CFAP43: variants seen among roughly 807,000 people sequenced by gnomAD.
The protein encoded by CFAP43 is cilia and flagella associated protein 43, also known as cilia- and flagella-associated protein 43.
Under a neutral mutation model 218.9 loss-of-function variants are expected in CFAP43, and 155 were observed. The observed-to-expected ratio is 0.71, with a 90% CI of 0.62 to 0.81. The LOEUF (loss-of-function observed/expected upper bound fraction) is 0.81. Ranked by LOEUF, CFAP43 falls within the 30% of genes least tolerant of loss-of-function variation. CFAP43 has a pLI of 0.00. For missense variants in CFAP43, 1,778 were observed against 1,954.3 expected (o/e 0.91, Z 1.70); for synonymous variants, 645 against 681.3 (o/e 0.95, Z 0.83).
At chr10:104,203,381 G>T (rs2090588771) in intron 8 of CFAP43, 2 of 372,528 alleles carry the variant, frequency 5.4e-6, no homozygotes, top group East Asian at 7.9e-5. Context: ...TGGAAATGGA[G>T]GCAGCAGAGA....
At position 104,167,689 on chromosome 10, in the gene CFAP43, T is replaced by C. The variant is rs767349991; in HGVS notation, c.2740A>G (p.Thr914Ala). 2 of 1,612,040 alleles carry C rather than the reference T, an allele frequency of 1.2e-6. No homozygotes were observed. Among genetic ancestry groups the C allele is most frequent in the South Asian group, 1.1e-5 (1 of 90,432 alleles). The stretch of plus-strand genomic sequence containing the variant: ...TCCAATTCTTTCAGCTCTTCAACCG[T>C]GCGCGCTTTCATCGGGAAGTTTTCA... ...VVENFPMKAR[T>A]VEELKELERV... is the part of the protein sequence containing the mutation. The change falls in exon 22 of 38, where the codon ACG becomes GCG. Residue 914 changes from threonine to alanine, a missense_variant. Transcript: ENST00000357060.
At chr10:104,137,060 T>C (rs920145427) in intron 34 of CFAP43, among the ~76,000 whole-genome samples, 12 of 152,242 alleles carry the variant, frequency 7.9e-5, no homozygotes, top group Admixed American at 5.9e-4. Flanking sequence ...TGGAAAACAG[T>C]TTTTAGTGCC....
At chr10:104,158,053 A>T (rs952503988) in intron 27 of CFAP43, among the ~76,000 whole-genome samples, 3 of 152,186 alleles carry the variant, frequency 2.0e-5, no homozygotes, top group Non-Finnish European at 4.4e-5. Flanking sequence ...AATAATAATG[A>T]TAGTCATGGA....
At chr10:104,224,494 C>T (rs2091261248) in intron 3 of CFAP43, among the ~76,000 whole-genome samples, 1 of 151,882 alleles carries the variant, frequency 6.6e-6, no homozygotes, top group Admixed American at 6.6e-5. Flanking sequence ...GTGGCTCATG[C>T]CTGTAATCCC....
intron 34 of CFAP43, among the ~76,000 whole-genome samples, 154 bp downstream of exon 34, chr10:104,140,688 C>T (rs1443323563): frequency 1.3e-5 from 2 of 152,122 alleles, no homozygotes; most frequent in East Asian, 3.8e-4. Flanking sequence ...TGGTGTGAAC[C>T]TGTACTCCCA....
At chr10:104,194,767 A>G (rs1479299172) in intron 10 of CFAP43, among the ~76,000 whole-genome samples, 2 of 152,238 alleles carry the variant, frequency 1.3e-5, no homozygotes, top group Admixed American at 1.3e-4. Flanking sequence ...TTTTGAATAA[A>G]ATCATGGAAC....
chr10:104,210,555 A>T (rs1327700005), intron 5 of CFAP43, among the ~76,000 whole-genome samples: 1 of 152,012 alleles, frequency 6.6e-6, no homozygotes, highest in Non-Finnish European at 1.5e-5. Context: ...AGGGTAAAGC[A>T]TAGCAGGTTC....
At chr10:104,161,774 G>C (rs536396326) in intron 26 of CFAP43, among the ~76,000 whole-genome samples, 187 bp downstream of exon 26, 29 of 152,212 alleles carry the variant, frequency 1.9e-4, no homozygotes, top group Non-Finnish European at 3.8e-4. Flanking sequence ...CTCAAGTGCT[G>C]GGATTACAAG....
intron 35 of CFAP43, chr10:104,132,832 C>A (rs941350759): frequency 5.1e-6 from 5 of 971,370 alleles, no homozygotes; most frequent in Non-Finnish European, 6.1e-6. Context: ...GTTAAAGACA[C>A]TGAGGGAGAT....
At position 104,170,626 on chromosome 10, in the gene CFAP43, T is replaced by A. The variant is rs181005240; in HGVS notation, c.2587-1778A>T. ...CTTCCTGGCTCTGATCTTAGCCAAG[T>A]GACTCTAATTCTCTAAGCCTCTATC... On this transcript the variant is annotated intron_variant, in intron 20 of 37. Transcript: ENST00000357060. Among the ~76,000 whole-genome samples, 7 of 152,200 alleles carry A rather than the reference T, an allele frequency of 4.6e-5. No individual in the cohort carries two copies. In the East Asian group the frequency reaches 5.8e-4, roughly 13 times the overall value.
At chr10:104,150,508 T>TA (rs1442254563) in intron 28 of CFAP43, among the ~76,000 whole-genome samples, 8 of 152,180 alleles carry the variant, frequency 5.3e-5, no homozygotes, top group African/African-American at 1.2e-4. Flanking sequence ...CATACCTCTG[T>TA]AAAAAGTCAC....
rs964656322 is a variant in CFAP43 at position 104,162,057 on chromosome 10, A to C, written c.3334-16T>G. 1 of 1,610,516 alleles carries C rather than the reference A, an allele frequency of 6.2e-7. No homozygotes were observed. Among genetic ancestry groups the C allele is most frequent in the African/African-American group, 1.3e-5 (1 of 74,700 alleles). ...TACTGGCATCCTGGGAAAGAGCCAG[A>C]ATCAGAGAGGAATACTGAGACAGAG... On this transcript the variant is annotated splice_polypyrimidine_tract_variant and intron_variant, in intron 25 of 37. Coordinates refer to ENST00000357060, the MANE Select transcript of CFAP43 (RefSeq NM_025145.7).
intron 17 of CFAP43, among the ~76,000 whole-genome samples, chr10:104,180,324 A>G (rs556904300): frequency 6.6e-6 from 1 of 152,234 alleles, no homozygotes; most frequent in South Asian, 2.1e-4. Flanking sequence ...CTTCTGTATC[A>G]TCAATTTCTC....
chr10:104,143,962 C>G (rs142859946), intron 31 of CFAP43, among the ~76,000 whole-genome samples: 261 of 152,320 alleles, frequency 1.7e-3, no homozygotes, highest in Middle Eastern at 3.4e-3. Context: ...CGTTTCACCT[C>G]AGCCTCCCAA....
At chr10:104,219,731 G>A (rs1416281588) in intron 3 of CFAP43, among the ~76,000 whole-genome samples, 1 of 152,176 alleles carries the variant, frequency 6.6e-6, no homozygotes, top group Admixed American at 6.5e-5. Flanking sequence ...CTGCTCATAA[G>A]CTCACCTCTG....
At chr10:104,183,392 T>C (rs1189135413) in intron 16 of CFAP43, among the ~76,000 whole-genome samples, 1 of 151,574 alleles carries the variant, frequency 6.6e-6, no homozygotes, top group Non-Finnish European at 1.5e-5. Context: ...CGTTTTTTTT[T>C]TTTTTTTTGA....
At chr10:104,160,093 T>C (rs1298366241) in intron 27 of CFAP43, among the ~76,000 whole-genome samples, 1 of 152,104 alleles carries the variant, frequency 6.6e-6, no homozygotes, top group East Asian at 1.9e-4. Context: ...TAATCAAGGC[T>C]GGGGTTTCAG....
chr10:104,214,554 T>C, intron 3 of CFAP43, 128 bp from the exon 4 acceptor site: 1 of 807,202 alleles, frequency 1.2e-6, no homozygotes, highest in Non-Finnish European at 1.8e-6. Context: ...ATCAATGACC[T>C]TAATGTCAAA....
chr10:104,218,983 T>A (rs2091102886), intron 3 of CFAP43: 1 of 392,586 alleles, frequency 2.5e-6, no homozygotes, highest in Admixed American at 4.0e-5. Flanking sequence ...GAAACACATG[T>A]TGGTGATTTG....
Sources: gnomAD v4.1 joint callset for allele counts (sites outside exome capture counted in the v4.1 genomes callset) on GRCh38, gnomAD v4.1.1 for gene constraint, MANE v1.5 for transcripts, NCBI Gene and HGNC (gene_info 2026-07-23, HGNC 2026-07-21) for gene names.